Variants in LIMCH1 observed in about 807,000 individuals in gnomAD.
LIMCH1 encodes the protein LIM and calponin homology domains 1, also known as LIM and calponin homology domains-containing protein 1.
In LIMCH1, 113 loss-of-function variants were observed where a neutral mutation model predicts 176.5. The ratio of observed to expected loss-of-function variants is 0.64; its 90% CI spans 0.55 to 0.75. LIMCH1 has a LOEUF of 0.75. LIMCH1 is among the 30% of genes least tolerant of loss of function. The pLI is 0.00. For synonymous variants in LIMCH1, 619 were observed against 645.9 expected, an observed-to-expected ratio of 0.96 and a Z score of 0.63; for missense variants, 1,674 against 1,814.9, an observed-to-expected ratio of 0.92 and a Z score of 1.41.
chr4:41,573,918 A>G (rs1325026033), intron 1 of LIMCH1, among the ~76,000 whole-genome samples: 1 of 152,176 alleles, frequency 6.6e-6, no homozygotes, highest in Non-Finnish European at 1.5e-5. Context: ...TTAAAGAGCT[A>G]TTTTTAAAGT....
chr4:41,467,804 AC>A (rs1475162814), intron 1 of LIMCH1, among the ~76,000 whole-genome samples: 2 of 152,196 alleles, frequency 1.3e-5, no homozygotes, highest in Non-Finnish European at 2.9e-5. Context: ...TTGCAGTTCT[AC>A]CAGAAAACAG....
chr4:41,625,481 T>G (rs1487000036), intron 7 of LIMCH1, among the ~76,000 whole-genome samples: 1 of 152,226 alleles, frequency 6.6e-6, no homozygotes, highest in Non-Finnish European at 1.5e-5. Context: ...GTATCATTAT[T>G]TTTTGCTCGC....
chr4:41,621,678 T>A (rs1410091215), intron 7 of LIMCH1, among the ~76,000 whole-genome samples: 1 of 152,048 alleles, frequency 6.6e-6, no homozygotes, highest in Non-Finnish European at 1.5e-5. Flanking sequence ...ATTTTTGGAT[T>A]TTTAGTAGAG....
chr4:41,381,847 C>G (rs1331231864), intron 1 of LIMCH1, among the ~76,000 whole-genome samples: 1 of 152,130 alleles, frequency 6.6e-6, no homozygotes, highest in Non-Finnish European at 1.5e-5. Context: ...AGCAGAAGCA[C>G]TTTGACATTA....
intron 1 of LIMCH1, among the ~76,000 whole-genome samples, chr4:41,401,745 C>T (rs1172657438): frequency 3.3e-5 from 5 of 152,182 alleles, no homozygotes; most frequent in Admixed American, 6.5e-5. Flanking sequence ...AGAGGTCCTT[C>T]ACATCCCTTG....
In LIMCH1 at chr4:41,620,441, A is replaced by T. The variant is rs377584742; in HGVS notation, c.476A>T (p.Glu159Val). 1.0e-4 allele frequency: 154 copies of T among 1,536,028 alleles called. 3 individuals are homozygous for T. Among genetic ancestry groups the T allele is most frequent in the South Asian group, 6.9e-4 (58 of 84,050 alleles). ...CTCACTAGCTTTCCTGAAACGATAGAGGAAGAGGGGAGTGAAGTGGGGTCT... is the reference window on the plus strand; with the variant it reads ...CTCACTAGCTTTCCTGAAACGATAGTGGAAGAGGGGAGTGAAGTGGGGTCT... ...ERPFSFPETIEEEGSEVGSAG... is the reference protein window; with the variant it reads ...ERPFSFPETIVEEGSEVGSAG... The change falls in exon 7 of 32, where the codon GAG (glutamate) becomes GTG (valine). Residue 159 changes from glutamate (E) to valine (V), a missense_variant. By Grantham distance (121) the Glu-to-Val change is moderately radical. This residue lies in a region of LIMCH1 where 655 missense variants were observed against 692.2 expected (regional missense o/e 0.95). Coordinates refer to ENST00000503057, the MANE Select transcript of LIMCH1 (RefSeq NM_001330672.2).
At chr4:41,498,565 T>TG (rs2072631951) in intron 2 of LIMCH1, among the ~76,000 whole-genome samples, 1 of 152,208 alleles carries the variant, frequency 6.6e-6, no homozygotes, top group African/African-American at 2.4e-5. Context: ...AATAAGAGGC[T>TG]GGGGTCAAAG....
At chr4:41,666,231 A>C (rs2094819626) in intron 20 of LIMCH1, among the ~76,000 whole-genome samples, 1 of 152,214 alleles carries the variant, frequency 6.6e-6, no homozygotes, top group Non-Finnish European at 1.5e-5. Flanking sequence ...TTTGTGTGGT[A>C]CCATGAAGAG....
chr4:41,672,849 T>C (rs780648886), intron 22 of LIMCH1, among the ~76,000 whole-genome samples: 2 of 152,212 alleles, frequency 1.3e-5, no homozygotes, highest in Non-Finnish European at 2.9e-5. Flanking sequence ...GATTTAGCTG[T>C]GTAGCCCTGA....
At chr4:41,615,073 T>G (rs959685304) in intron 5 of LIMCH1, among the ~76,000 whole-genome samples, 2 of 152,186 alleles carry the variant, frequency 1.3e-5, no homozygotes, top group African/African-American at 4.8e-5. Flanking sequence ...TTCTAAAATG[T>G]TATATGTCAT....
At chr4:41,617,621 G>A (rs1003347141) in intron 5 of LIMCH1, among the ~76,000 whole-genome samples, 4 of 152,140 alleles carry the variant, frequency 2.6e-5, no homozygotes, top group Non-Finnish European at 4.4e-5. Context: ...TTCAGAAGGA[G>A]GACTGAAAGC....
At chr4:41,435,235 T>C (rs1478741902) in intron 1 of LIMCH1, among the ~76,000 whole-genome samples, 1 of 152,120 alleles carries the variant, frequency 6.6e-6, no homozygotes, top group African/African-American at 2.4e-5. Flanking sequence ...GGAGACTGGA[T>C]ATCAGAAACA....
At chr4:41,405,692 G>A (rs2154120260) in intron 1 of LIMCH1, among the ~76,000 whole-genome samples, 1 of 152,124 alleles carries the variant, frequency 6.6e-6, no homozygotes, top group South Asian at 2.1e-4. Context: ...ATATTAAGGT[G>A]ATAGATATCA....
intron 15 of LIMCH1, among the ~76,000 whole-genome samples, chr4:41,644,838 C>T (rs1020493755): frequency 2.6e-5 from 4 of 152,100 alleles, no homozygotes; most frequent in African/African-American, 9.7e-5. Context: ...AGCAAACACC[C>T]TGGCCAGAAG....
intron 7 of LIMCH1, among the ~76,000 whole-genome samples, chr4:41,624,571 T>G (rs112301633): frequency 6.2e-5 from 9 of 145,572 alleles, no homozygotes; most frequent in African/African-American, 2.2e-4. Context: ...CCGCAATTAC[T>G]TGTGCACCGA....
chr4:41,632,385 G>A (rs1316417725), intron 10 of LIMCH1, among the ~76,000 whole-genome samples: 1 of 152,088 alleles, frequency 6.6e-6, no homozygotes, highest in Non-Finnish European at 1.5e-5. Context: ...CACCATAGAA[G>A]AGAGAAGGCT....
intron 1 of LIMCH1, among the ~76,000 whole-genome samples, chr4:41,396,261 A>C (rs533243273): frequency 6.6e-6 from 1 of 152,238 alleles, no homozygotes; most frequent in Non-Finnish European, 1.5e-5. Context: ...TTGTTTCAAC[A>C]TGTAAACTTT....
intron 18 of LIMCH1, among the ~76,000 whole-genome samples, chr4:41,653,769 C>T (rs1246500258): frequency 2.6e-5 from 4 of 152,236 alleles, no homozygotes; most frequent in Non-Finnish European, 4.4e-5. Flanking sequence ...CTATGGATGA[C>T]ATCATATCAT....
At chr4:41,359,778 C>T (rs1443115693), upstream of LIMCH1, 6 of 152,172 alleles carry the variant, frequency 3.9e-5, no homozygotes, top group Non-Finnish European at 7.3e-5. Flanking sequence ...CTGCCTACCT[C>T]CCGTTAATGG....
Sources: gnomAD v4.1 joint callset for allele counts (sites outside exome capture counted in the v4.1 genomes callset) on GRCh38, gnomAD v4.1.1 for gene constraint, gnomAD v4.1.1 regional missense constraint, MANE v1.5 for transcripts, NCBI Gene and HGNC (gene_info 2026-07-23, HGNC 2026-07-21) for gene names.